ZBTB49: variants seen among roughly 807,000 people sequenced by gnomAD.
ZBTB49 encodes the protein zinc finger and BTB domain containing 49.
Under a neutral mutation model 57.5 loss-of-function variants are expected in ZBTB49, and 43 were observed. That is an observed-to-expected ratio of 0.75 (90% CI 0.59 to 0.97). ZBTB49 has a LOEUF of 0.97. Ranked by LOEUF, ZBTB49 falls within the 50% of genes least tolerant of loss-of-function variation. The pLI is 0.00. For synonymous variants in ZBTB49, 369 were observed against 362.1 expected (o/e 1.02, Z -0.22); for missense variants, 938 against 947.7 (o/e 0.99, Z 0.13).
intron 4 of ZBTB49, among the ~76,000 whole-genome samples, chr4:4,312,743 C>T (rs1363910204): frequency 3.9e-5 from 6 of 152,224 alleles, no homozygotes; most frequent in Non-Finnish European, 7.3e-5. Context: ...CCAAAGCAGC[C>T]TCCACAGGGT....
chr4:4,302,430 A>C lies in ZBTB49; in HGVS notation c.594A>C (p.Ser198=), dbSNP rs1193016203. ...GEISKQAPDT[S]DGSCTELPFK... ...TCTCAAAACAAGCTCCTGATACTTCAGATGGCAGCTGCACAGAACTGCCTT... is the reference window on the plus strand; with the variant it reads ...TCTCAAAACAAGCTCCTGATACTTCCGATGGCAGCTGCACAGAACTGCCTT... Residue 198 remains serine, a synonymous_variant, in exon 3 of 8, where the codon TCA becomes TCC. Coordinates refer to ENST00000337872, the MANE Select transcript of ZBTB49 (RefSeq NM_145291.4). 1 of 1,614,128 alleles carries C rather than the reference A, an allele frequency of 6.2e-7. No homozygotes were observed. Among genetic ancestry groups the C allele is most frequent in the Non-Finnish European group, 8.5e-7 (1 of 1,180,054 alleles).
chr4:4,290,610 C>T (rs1420726116), intron 1 of ZBTB49, among the ~76,000 whole-genome samples: 6 of 152,236 alleles, frequency 3.9e-5, no homozygotes, highest in Admixed American at 3.9e-4. Flanking sequence ...GCCGGGCCTT[C>T]TCCCTGGTGC....
chr4:4,315,732 T>G lies in ZBTB49; in HGVS notation c.1459+14T>G, dbSNP rs758069997. On this transcript the variant is annotated intron_variant, in intron 6 of 7. Transcript: ENST00000337872. ...TCTGTGGTCGAGGTACAGCTGAGTG[T>G]TTTCCTATTCTTCTTGAAGATTTCT... The G allele has an allele frequency of 1.2e-6, 2 of 1,612,192 alleles. No homozygotes were observed. The highest frequency in any genetic ancestry group is 2.3e-5 in the East Asian group (1 of 44,328).
chr4:4,297,477 A>G (rs1374859485), intron 1 of ZBTB49, among the ~76,000 whole-genome samples: 1 of 152,144 alleles, frequency 6.6e-6, no homozygotes, highest in Non-Finnish European at 1.5e-5. Flanking sequence ...AGCAACCCCA[A>G]ACCCAGAGCG....
intron 3 of ZBTB49, among the ~76,000 whole-genome samples, chr4:4,304,521 T>C (rs971743297): frequency 2.6e-5 from 3 of 114,246 alleles, no homozygotes; most frequent in Non-Finnish European, 5.5e-5. Flanking sequence ...CTTGGCCCGA[T>C]GGCTGTAATT....
chr4:4,295,124 G>A (rs2920178), intron 1 of ZBTB49, among the ~76,000 whole-genome samples: 149,721 of 152,266 alleles, frequency 0.98, 73,616 homozygotes, highest in East Asian at 1. Context: ...ATGTTGTATT[G>A]ATCCATTATC....
chr4:4,314,761 A>G (rs965028702), intron 5 of ZBTB49, among the ~76,000 whole-genome samples: 4 of 152,232 alleles, frequency 2.6e-5, no homozygotes, highest in African/African-American at 9.6e-5. Context: ...AGGAAAGAAC[A>G]TAGATTTCCA....
At position 4,319,441 on chromosome 4, in the gene ZBTB49, A is replaced by G. The variant is rs372392741; in HGVS notation, c.1622-1199A>G. 3.3e-5 allele frequency among the ~76,000 whole-genome samples: 5 copies of G among 152,310 alleles called. No individual in the cohort carries two copies. The South Asian group carries it at 1.0e-3, about 32-fold the overall frequency. On this transcript the variant is annotated intron_variant, in intron 7 of 7. Transcript: ENST00000337872. ...AGTTCCTTCTCATCTTACCTATTCC[A>G]GTGGTGGAGCTAGATCCCTTACCTT... is the stretch of plus-strand genomic sequence containing the variant.
chr4:4,299,622 A>G (rs993051980), intron 1 of ZBTB49, among the ~76,000 whole-genome samples: 1 of 152,226 alleles, frequency 6.6e-6, no homozygotes, highest in Non-Finnish European at 1.5e-5. Flanking sequence ...CTTTTAAAAT[A>G]TAAATTACAA....
intron 1 of ZBTB49, among the ~76,000 whole-genome samples, chr4:4,292,828 G>A (rs1369515403): frequency 6.6e-6 from 1 of 152,150 alleles, no homozygotes; most frequent in Non-Finnish European, 1.5e-5. Context: ...TTGACCTGTT[G>A]GTAGAATTGA....
intron 4 of ZBTB49, among the ~76,000 whole-genome samples, chr4:4,311,462 G>A (rs1465104930): frequency 2.0e-5 from 3 of 152,280 alleles, no homozygotes; most frequent in Middle Eastern, 3.4e-3. Context: ...CAAAGTTACC[G>A]TCATATTGAA....
In ZBTB49 at chr4:4,320,688, A is replaced by G. The variant is rs1721373194; in HGVS notation, c.1670A>G (p.His557Arg). The G allele has an allele frequency of 6.2e-7, 1 of 1,614,082 alleles. No individual in the cohort carries two copies. Among genetic ancestry groups the G allele is most frequent in the Non-Finnish European group, 8.5e-7 (1 of 1,180,036 alleles). ...GACCTCCGCAGGCATGTCCGCACTC[A>G]CACTGGGGAGAAGCCGTACACATGT... ...SGDLRRHVRT[H>R]TGEKPYTCEI... Residue 557 changes from histidine (H) to arginine (R), a missense_variant, in exon 8 of 8, where the codon CAC becomes CGC. His to Arg is a conservative substitution (Grantham distance 29). This residue lies in a region of ZBTB49 where 835 missense variants were observed against 819.1 expected (regional missense o/e 1.02). Coordinates refer to ENST00000337872, the MANE Select transcript of ZBTB49 (RefSeq NM_145291.4).
chr4:4,312,921 C>T, intron 4 of ZBTB49, 120 bp from the exon 5 acceptor site: 1 of 1,131,820 alleles, frequency 8.8e-7, no homozygotes, highest in Non-Finnish European at 1.3e-6. Flanking sequence ...TGTAGCTCAT[C>T]TTCATCTGGA....
In ZBTB49 at chr4:4,302,416, G is replaced by A. The variant is rs1560107971; in HGVS notation, c.580G>A (p.Ala194Thr). 6.2e-7 allele frequency: 1 copy of A among 1,614,186 alleles called. No homozygotes were observed. Among genetic ancestry groups the A allele is most frequent in the Non-Finnish European group, 8.5e-7 (1 of 1,180,030 alleles). Residue 194 changes from alanine (A) to threonine (T), a missense_variant, in exon 3 of 8, where the codon GCT (alanine) becomes ACT (threonine). By Grantham distance (58) the Ala-to-Thr change is moderately conservative. Transcript: ENST00000337872. ...HHSAGEISKQ[A>T]PDTSDGSCTE... ...CTCCGCAGGTGAAATCTCAAAACAAGCTCCTGATACTTCAGATGGCAGCTG... is the reference window on the plus strand; with the variant it reads ...CTCCGCAGGTGAAATCTCAAAACAAACTCCTGATACTTCAGATGGCAGCTG...
chr4:4,295,740 TGATCTCAAACCAGGA>T (rs987246708), intron 1 of ZBTB49, among the ~76,000 whole-genome samples: 53 of 152,332 alleles, frequency 3.5e-4, no homozygotes, highest in African/African-American at 9.9e-4. Flanking sequence ...AGTCTCACTT[TGATCTCAAACCAGGA>T]GATCTCAAAC....
At chr4:4,318,894 C>CT (rs113390733) in intron 7 of ZBTB49, among the ~76,000 whole-genome samples, 75,009 of 130,808 alleles carry the variant, frequency 0.57, 20,945 homozygotes, top group Middle Eastern at 0.65. Context: ...TTTTTTTAAT[C>CT]TTTTTTTTTT....
At chr4:4,304,476 C>T (rs1221946107) in intron 3 of ZBTB49, among the ~76,000 whole-genome samples, 1 of 152,044 alleles carries the variant, frequency 6.6e-6, no homozygotes, top group East Asian at 1.9e-4. Flanking sequence ...CCTCGGCCTC[C>T]CAAAGTGCTG....
Position 4,310,750 on chromosome 4 carries a change from A to G in ZBTB49, c.1303-2291A>G, listed in dbSNP as rs2920208. On this transcript the variant is annotated intron_variant, in intron 4 of 7. Coordinates refer to ENST00000337872, the MANE Select transcript of ZBTB49 (RefSeq NM_145291.4). ...TAGCCAGGATGGTCTCGATCTCCTG[A>G]TCTCATGATCCACCTGCCTCAGCCT... Among the ~76,000 whole-genome samples, 524 of 150,046 alleles carry G rather than the reference A, an allele frequency of 3.5e-3. 3 individuals are homozygous for G. Among genetic ancestry groups the G allele is most frequent in the African/African-American group, 0.012 (497 of 40,748 alleles).
At position 4,290,253 on chromosome 4, in the gene ZBTB49, TGTC is replaced by T. The variant is rs1719817774; in HGVS notation, c.-116_-114del. ...CGGTTCCGGCAAGCCAAGGGGGCGTTGTCGTGATGATTCCGCGGCCAGCGGATC... is the reference window on the plus strand; with the variant it reads ...CGGTTCCGGCAAGCCAAGGGGGCGTTGTGATGATTCCGCGGCCAGCGGATC... On this transcript the variant is annotated 5_prime_UTR_variant, in exon 1 of 8. Transcript: ENST00000337872. 6.6e-6 allele frequency: 1 copy of T among 151,822 alleles called. No homozygotes were observed. Among genetic ancestry groups the T allele is most frequent in the African/African-American group, 2.4e-5 (1 of 41,046 alleles). 9.4% of individuals were successfully genotyped at this position (151,822 alleles called of 1,614,324 possible). A position where few individuals can be genotyped will look rare whatever the true frequency, so the allele number is the denominator to read the frequency against.
Sources: gnomAD v4.1 joint callset for allele counts (sites outside exome capture counted in the v4.1 genomes callset) on GRCh38, gnomAD v4.1.1 for gene constraint, gnomAD v4.1.1 regional missense constraint, MANE v1.5 for transcripts, NCBI Gene and HGNC (gene_info 2026-07-23, HGNC 2026-07-21) for gene names.